ETV6: variants seen among roughly 807,000 people sequenced by gnomAD.
ETV6 encodes the protein transcription factor ETV6.
ETV6 carries 16 observed loss-of-function variants against 51.1 expected under a neutral mutation model. That is an observed-to-expected ratio of 0.31 (90% CI 0.21 to 0.48). The LOEUF (loss-of-function observed/expected upper bound fraction) is 0.48. ETV6 is among the 20% of genes least tolerant of loss of function. The pLI is 0.99. For missense variants in ETV6, 458 were observed against 594.8 expected, an observed-to-expected ratio of 0.77 and a Z score of 2.39; for synonymous variants, 240 against 224.1, an observed-to-expected ratio of 1.07 and a Z score of -0.64.
chr12:11,760,430 G>GT (rs1234959078), intron 2 of ETV6, among the ~76,000 whole-genome samples: 1 of 152,188 alleles, frequency 6.6e-6, no homozygotes, highest in African/African-American at 2.4e-5. Context: ...GGGCTACGCA[G>GT]TGAATACCCT....
chr12:11,826,189 C>T (rs1946151000), intron 2 of ETV6, among the ~76,000 whole-genome samples: 1 of 152,086 alleles, frequency 6.6e-6, no homozygotes, highest in East Asian at 1.9e-4. Flanking sequence ...TGCAGACCGC[C>T]CAGAGACCTC....
At chr12:11,872,575 C>G (rs1946897676) in intron 5 of ETV6, among the ~76,000 whole-genome samples, 1 of 150,300 alleles carries the variant, frequency 6.7e-6, no homozygotes, top group Admixed American at 6.7e-5. Context: ...CTCATTGCAA[C>G]CTCTGCGTCC....
chr12:11,781,797 C>T (rs1470159515), intron 2 of ETV6, among the ~76,000 whole-genome samples: 1 of 152,136 alleles, frequency 6.6e-6, no homozygotes, highest in African/African-American at 2.4e-5. Context: ...CTATAAACTC[C>T]TCTTTCCTAC....
intron 3 of ETV6, among the ~76,000 whole-genome samples, chr12:11,845,777 G>A (rs1246105050): frequency 1.3e-5 from 2 of 151,966 alleles, no homozygotes; most frequent in Non-Finnish European, 2.9e-5. Flanking sequence ...CAGATCACGG[G>A]GTCAGGAGAT....
At chr12:11,853,674 A>C (rs1251727071) in intron 4 of ETV6, 113 bp downstream of exon 4, 19 of 1,230,970 alleles carry the variant, frequency 1.5e-5, no homozygotes, top group Non-Finnish European at 2.1e-5. Flanking sequence ...CATTCAGTAG[A>C]CAATTATTGA....
At chr12:11,842,458 C>T (rs1380729831) in intron 3 of ETV6, among the ~76,000 whole-genome samples, 1 of 143,500 alleles carries the variant, frequency 7.0e-6, no homozygotes, top group Non-Finnish European at 1.5e-5. Context: ...ACATTGTTTG[C>T]TGATTGTTTG....
At chr12:11,816,560 A>G (rs370673281) in intron 2 of ETV6, among the ~76,000 whole-genome samples, 1 of 152,256 alleles carries the variant, frequency 6.6e-6, no homozygotes, top group African/African-American at 2.4e-5. Flanking sequence ...TTATGTTTTT[A>G]AAAGATCATT....
At chr12:11,713,533 G>C (rs1179642000) in intron 1 of ETV6, among the ~76,000 whole-genome samples, 2 of 152,160 alleles carry the variant, frequency 1.3e-5, no homozygotes, top group African/African-American at 2.4e-5. Flanking sequence ...TGCGTGTGCT[G>C]TTTCCTCTAC....
intron 2 of ETV6, among the ~76,000 whole-genome samples, chr12:11,772,937 G>A (rs2136354777): frequency 6.6e-6 from 1 of 152,284 alleles, no homozygotes; most frequent in Non-Finnish European, 1.5e-5. Flanking sequence ...GCTCATGCCT[G>A]TAATCCCAGC....
In ETV6 at chr12:11,765,634, AGATTAATTTTTGTAAGGCT is replaced by A. The variant is rs534125386; in HGVS notation, c.163+13057_163+13075del. The stretch of plus-strand genomic sequence containing the variant: ...CTTAACCATTCACAATATGTCTGAG[AGATTAATTTTTGTAAGGCT>A]GTGGTTTGAGATATCTCCCCCTTCC... On this transcript the variant is annotated intron_variant, in intron 2 of 7. Coordinates refer to ENST00000396373, the MANE Select transcript of ETV6 (RefSeq NM_001987.5). Among the ~76,000 whole-genome samples, 1,064 of 151,886 alleles carry A rather than the reference AGATTAATTTTTGTAAGGCT, an allele frequency of 7.0e-3. 8 individuals carry two copies. The highest frequency in any genetic ancestry group is 0.012 in the Non-Finnish European group (798 of 67,932).
chr12:11,661,697 C>T (rs991052792), intron 1 of ETV6, among the ~76,000 whole-genome samples: 1 of 152,222 alleles, frequency 6.6e-6, no homozygotes, highest in Admixed American at 6.5e-5. Context: ...CTGATACTTT[C>T]GGGTGAGGTG....
chr12:11,735,994 G>T (rs972932360), intron 1 of ETV6, among the ~76,000 whole-genome samples: 2 of 152,198 alleles, frequency 1.3e-5, no homozygotes, highest in Non-Finnish European at 2.9e-5. Context: ...TATTTTGATT[G>T]CTGGGAAGTT....
At chr12:11,749,715 G>A (rs759847808) in intron 1 of ETV6, among the ~76,000 whole-genome samples, 1 of 152,172 alleles carries the variant, frequency 6.6e-6, no homozygotes, top group Non-Finnish European at 1.5e-5. Context: ...TCTCTGTAGT[G>A]TGGGATTCCC....
intron 1 of ETV6, among the ~76,000 whole-genome samples, chr12:11,735,140 T>G: frequency 8.4e-6 from 1 of 119,708 alleles, no homozygotes. Flanking sequence ...CTTCCAAGCC[T>G]CCTATTTCTT....
At chr12:11,888,995 G>A (rs573347261) in intron 7 of ETV6, among the ~76,000 whole-genome samples, 3 of 152,140 alleles carry the variant, frequency 2.0e-5, no homozygotes, top group Admixed American at 2.0e-4. Flanking sequence ...GCTCCTAGAA[G>A]GTAGAGGATT....
chr12:11,695,409 C>T (rs1591614759), intron 1 of ETV6, among the ~76,000 whole-genome samples: 1 of 152,196 alleles, frequency 6.6e-6, no homozygotes, highest in African/African-American at 2.4e-5. Context: ...TCCTGCCAGG[C>T]ACTGGAGTTT....
chr12:11,802,589 G>T (rs562646121), intron 2 of ETV6, among the ~76,000 whole-genome samples: 5 of 152,270 alleles, frequency 3.3e-5, no homozygotes, highest in African/African-American at 1.2e-4. Context: ...TGCTGTGTGG[G>T]TCACTTAGCA....
intron 1 of ETV6, among the ~76,000 whole-genome samples, chr12:11,687,487 C>T (rs567664078): frequency 4.8e-4 from 73 of 152,250 alleles, no homozygotes; most frequent in African/African-American, 1.7e-3. Context: ...CGCCACACCC[C>T]CTTTTTTTCT....
intron 3 of ETV6, among the ~76,000 whole-genome samples, chr12:11,842,407 TACACAC>T (rs6144615): frequency 9.5e-5 from 14 of 147,954 alleles, no homozygotes; most frequent in Admixed American, 6.7e-4. Context: ...TTGACACAGA[TACACAC>T]ACACACACAC....
Sources: gnomAD v4.1 joint callset for allele counts (sites outside exome capture counted in the v4.1 genomes callset) on GRCh38, gnomAD v4.1.1 for gene constraint, MANE v1.5 for transcripts, NCBI Gene and HGNC (gene_info 2026-07-23, HGNC 2026-07-21) for gene names.